PCCA: variants seen among roughly 807,000 people sequenced by gnomAD.
PCCA encodes propionyl-CoA carboxylase subunit alpha, also known as propionyl-CoA carboxylase alpha chain, mitochondrial.
A neutral mutation model predicts 101.3 loss-of-function variants in PCCA; 74 were observed. That is an observed-to-expected ratio of 0.73 (90% CI 0.61 to 0.89). PCCA has a LOEUF of 0.89. Among genes scored for constraint, PCCA ranks in the 40% least tolerant of loss-of-function variants. PCCA has a pLI of 0.00. For synonymous variants in PCCA, 294 were observed against 313.6 expected, an observed-to-expected ratio of 0.94 and a Z score of 0.66; for missense variants, 891 against 907.0, an observed-to-expected ratio of 0.98 and a Z score of 0.23.
intron 6 of PCCA, among the ~76,000 whole-genome samples, chr13:100,185,505 G>A (rs113101229): frequency 5.9e-5 from 9 of 151,762 alleles, no homozygotes; most frequent in African/African-American, 1.7e-4. Context: ...ACAAGCCACC[G>A]TGCCTGGCTA....
At chr13:100,230,807 T>C (rs1275982763) in intron 7 of PCCA, among the ~76,000 whole-genome samples, 1 of 152,142 alleles carries the variant, frequency 6.6e-6, no homozygotes, top group Non-Finnish European at 1.5e-5. Flanking sequence ...AGGGTTTCTG[T>C]CCTTATGGAG....
At chr13:100,430,700 C>A (rs1174936830) in intron 20 of PCCA, among the ~76,000 whole-genome samples, 1 of 152,150 alleles carries the variant, frequency 6.6e-6, no homozygotes, top group African/African-American at 2.4e-5. Flanking sequence ...CTTCCTGTTT[C>A]CTCTTGACAT....
chr13:100,312,873 G>T (rs1403338523), intron 16 of PCCA, among the ~76,000 whole-genome samples: 1 of 152,140 alleles, frequency 6.6e-6, no homozygotes, highest in African/African-American at 2.4e-5. Context: ...TGTTGGATGA[G>T]CACAGAGAAA....
chr13:100,115,653 A>T (rs967825772), intron 4 of PCCA, among the ~76,000 whole-genome samples: 5 of 152,152 alleles, frequency 3.3e-5, no homozygotes, highest in Non-Finnish European at 7.3e-5. Context: ...TTACCGACCA[A>T]GCTGTCATAT....
intron 6 of PCCA, among the ~76,000 whole-genome samples, chr13:100,188,124 C>A (rs2057441508): frequency 6.6e-6 from 1 of 152,140 alleles, no homozygotes; most frequent in African/African-American, 2.4e-5. Context: ...GAAACCCCGT[C>A]TCTACTAAAA....
chr13:100,395,397 C>G (rs1221797886), intron 19 of PCCA, among the ~76,000 whole-genome samples: 1 of 152,156 alleles, frequency 6.6e-6, no homozygotes, highest in Non-Finnish European at 1.5e-5. Flanking sequence ...AAGGGATATA[C>G]CACCATTGAA....
chr13:100,462,712 C>T (rs2082252889), intron 21 of PCCA, among the ~76,000 whole-genome samples: 1 of 152,092 alleles, frequency 6.6e-6, no homozygotes, highest in Non-Finnish European at 1.5e-5. Flanking sequence ...GAGCACAAAA[C>T]CTAGCATTTA....
intron 4 of PCCA, among the ~76,000 whole-genome samples, chr13:100,118,477 G>C (rs1356826842): frequency 1.3e-5 from 2 of 151,930 alleles, no homozygotes; most frequent in Non-Finnish European, 2.9e-5. Flanking sequence ...TTTTGGCTTT[G>C]TATGGAATCT....
At chr13:100,338,804 G>A (rs150682248) in intron 17 of PCCA, among the ~76,000 whole-genome samples, 16 of 150,834 alleles carry the variant, frequency 1.1e-4, no homozygotes, top group Middle Eastern at 3.4e-3. Flanking sequence ...GATTACCTGT[G>A]CTCTCCCTGC....
At chr13:100,303,602 C>A (rs1200245582) in intron 14 of PCCA, among the ~76,000 whole-genome samples, 1 of 150,588 alleles carries the variant, frequency 6.6e-6, no homozygotes, top group Non-Finnish European at 1.5e-5. Flanking sequence ...TTTTCTTAAT[C>A]AAGGTAATAA....
intron 19 of PCCA, among the ~76,000 whole-genome samples, chr13:100,422,057 CTCTTCTCTTT>C (rs1453159375): frequency 4.4e-5 from 2 of 45,256 alleles, no homozygotes; most frequent in Admixed American, 2.2e-4. Context: ...TTTTCCTTTT[CTCTTCTCTTT>C]TCTTTTCTTT....
At chr13:100,420,302 G>A (rs987042416) in intron 19 of PCCA, among the ~76,000 whole-genome samples, 12 of 152,162 alleles carry the variant, frequency 7.9e-5, no homozygotes, top group African/African-American at 2.9e-4. Context: ...GTCAGATATG[G>A]TGGCTCACGT....
chr13:100,278,271 G>T (rs533912080), intron 12 of PCCA, among the ~76,000 whole-genome samples: 3 of 152,088 alleles, frequency 2.0e-5, no homozygotes, highest in African/African-American at 7.2e-5. Context: ...AATTTGAGAC[G>T]ACTGCAAAAT....
chr13:100,491,654 G>A lies in PCCA; in HGVS notation c.1900-23773G>A, dbSNP rs868429762. The A allele has an allele frequency of 1.5e-5, 20 of 1,304,016 alleles. No individual in the cohort carries two copies. In the African/African-American group the frequency reaches 2.6e-4, roughly 17 times the overall value. The allele number at this position is 1,304,016 out of a possible 1,614,324, so 80.8% of individuals were successfully genotyped here. ...CTCTTAATAACTTTTTTGTAGCCCT[G>A]GAGAAAGCTTCTGGATTGACTGTGA... On this transcript the variant is annotated intron_variant, in intron 21 of 23. Coordinates refer to ENST00000376285, the MANE Select transcript of PCCA (RefSeq NM_000282.4).
chr13:100,250,025 C>G (rs1594928474), intron 8 of PCCA, among the ~76,000 whole-genome samples: 1 of 152,082 alleles, frequency 6.6e-6, no homozygotes, highest in Non-Finnish European at 1.5e-5. Context: ...GAAGACAGTT[C>G]TATTTATTCC....
intron 21 of PCCA, among the ~76,000 whole-genome samples, chr13:100,458,022 A>C (rs921865993): frequency 3.9e-5 from 6 of 152,198 alleles, no homozygotes; most frequent in Non-Finnish European, 5.9e-5. Flanking sequence ...GTCTGGGAAC[A>C]TGAAGGACCA....
At chr13:100,322,283 C>T (rs2068144957) in intron 16 of PCCA, among the ~76,000 whole-genome samples, 1 of 152,112 alleles carries the variant, frequency 6.6e-6, no homozygotes. Context: ...AAGTTGCGTA[C>T]ATCACTTTAG....
At chr13:100,103,768 T>C (rs1405072045) in intron 2 of PCCA, among the ~76,000 whole-genome samples, 2 of 151,934 alleles carry the variant, frequency 1.3e-5, no homozygotes, top group Non-Finnish European at 2.9e-5. Flanking sequence ...CCTGAGTAGC[T>C]GGGATTACAG....
At chr13:100,306,579 T>G (rs1457038989) in intron 14 of PCCA, among the ~76,000 whole-genome samples, 1 of 152,114 alleles carries the variant, frequency 6.6e-6, no homozygotes, top group East Asian at 1.9e-4. Flanking sequence ...AAAAGAATAT[T>G]TTGAACTTGT....
Sources: gnomAD v4.1 joint callset for allele counts (sites outside exome capture counted in the v4.1 genomes callset) on GRCh38, gnomAD v4.1.1 for gene constraint, MANE v1.5 for transcripts, NCBI Gene and HGNC (gene_info 2026-07-23, HGNC 2026-07-21) for gene names.